The following ARFGEF1 variants were observed in gnomAD, a reference collection of about 807,000 sequenced individuals.
ARFGEF1 encodes the protein brefeldin A-inhibited guanine nucleotide-exchange protein 1.
In ARFGEF1, 42 loss-of-function variants were observed where a neutral mutation model predicts 231.0. The observed-to-expected ratio is 0.18, with a 90% CI of 0.14 to 0.24. ARFGEF1 has a LOEUF of 0.24. Among genes scored for constraint, ARFGEF1 ranks in the 10% least tolerant of loss-of-function variants. The pLI, the probability that ARFGEF1 is intolerant of heterozygous loss-of-function variation, is 1.00. For missense variants in ARFGEF1, 1,345 were observed against 2,192.0 expected, an observed-to-expected ratio of 0.61 and a Z score of 7.72; for synonymous variants, 710 against 732.3, an observed-to-expected ratio of 0.97 and a Z score of 0.49.
intron 1 of ARFGEF1, among the ~76,000 whole-genome samples, chr8:67,335,826 A>G (rs1808321751): frequency 1.3e-5 from 2 of 151,456 alleles, no homozygotes; most frequent in Non-Finnish European, 2.9e-5. Flanking sequence ...GGCTCACTGC[A>G]ACCTCCGCCT....
intron 32 of ARFGEF1, 50 bp downstream of exon 32, chr8:67,217,732 A>G (rs1019493095): frequency 3.8e-6 from 6 of 1,581,392 alleles, no homozygotes; most frequent in African/African-American, 2.7e-5. Context: ...TCACTCTCCA[A>G]CTCATTCAAT....
In ARFGEF1 at chr8:67,175,566, G is replaced by A. The variant is rs139214760; in HGVS notation, c.568C>T (p.Arg190Trp). 50 of 1,075,424 alleles carry A rather than the reference G, an allele frequency of 4.6e-5. No homozygotes were observed. The East Asian group carries it at 1.1e-3, about 23-fold the overall frequency. The allele number at this position is 1,075,424 out of a possible 1,614,324, so 66.6% of individuals were successfully genotyped here. A position where few individuals can be genotyped will look rare whatever the true frequency, so the allele number is the denominator to read the frequency against. ...TGGCAGCCCCATGCTCACAGGGTCC[G>A]TTTGGTCTGTAGTACCAGAAAAGAA... Residue 190 changes from arginine (R) to tryptophan (W), a missense_variant, in exon 6 of 6, where the codon CGG (arginine) becomes TGG (tryptophan). Physicochemically the swap from Arg to Trp is moderately radical, Grantham distance 101 (BLOSUM62 -3). Coordinates refer to the ARFGEF1 transcript ENST00000518789.
intron 1 of ARFGEF1, among the ~76,000 whole-genome samples, chr8:67,333,561 G>C (rs1398323213): frequency 6.6e-6 from 1 of 151,948 alleles, no homozygotes; most frequent in African/African-American, 2.4e-5. Context: ...GGATCTCCCT[G>C]TCTTGGCCTC....
chr8:67,219,687 C>T, intron 29 of ARFGEF1, 127 bp from the exon 30 acceptor site: 1 of 982,280 alleles, frequency 1.0e-6, no homozygotes, highest in Admixed American at 3.0e-5. Context: ...TAACACATGA[C>T]ACTGGGTTTT....
intron 35 of ARFGEF1, 49 bp downstream of exon 35, chr8:67,204,631 C>A: frequency 6.3e-7 from 1 of 1,578,456 alleles, no homozygotes; most frequent in South Asian, 1.2e-5. Context: ...ACTGCTATAC[C>A]TAACTTCCTA....
chr8:67,312,686 T>C lies in ARFGEF1; in HGVS notation c.125-10220A>G, dbSNP rs1353118890. 3.9e-5 allele frequency among the ~76,000 whole-genome samples: 6 copies of C among 152,338 alleles called. No individual in the cohort carries two copies. In the East Asian group the frequency reaches 1.2e-3, roughly 29 times the overall value. ...ACTATTCTCCTCGAGTTTTAAAAATTGTTACACATTTAACACAAAAAATAA... is the reference window on the plus strand; with the variant it reads ...ACTATTCTCCTCGAGTTTTAAAAATCGTTACACATTTAACACAAAAAATAA... On this transcript the variant is annotated intron_variant, in intron 1 of 38. Coordinates refer to ENST00000262215, the MANE Select transcript of ARFGEF1 (RefSeq NM_006421.5).
chr8:67,298,441 G>C (rs1280215150), intron 4 of ARFGEF1, among the ~76,000 whole-genome samples: 2 of 152,154 alleles, frequency 1.3e-5, no homozygotes, highest in African/African-American at 2.4e-5. Context: ...AGATGGATGG[G>C]TGCAACGATA....
intron 5 of ARFGEF1, among the ~76,000 whole-genome samples, chr8:67,186,254 T>C (rs1173998060): frequency 4.6e-5 from 7 of 152,214 alleles, no homozygotes; most frequent in African/African-American, 1.7e-4. Context: ...CAAGAATGTG[T>C]TGTCCAAAAT....
At chr8:67,230,272 C>T (rs1388022389) in intron 23 of ARFGEF1, among the ~76,000 whole-genome samples, 1 of 151,942 alleles carries the variant, frequency 6.6e-6, no homozygotes, top group African/African-American at 2.4e-5. Context: ...CATAGAAAAG[C>T]AAAGGACAGA....
chr8:67,342,235 G>C (rs1808664342), intron 1 of ARFGEF1, among the ~76,000 whole-genome samples: 2 of 152,158 alleles, frequency 1.3e-5, no homozygotes, highest in African/African-American at 4.8e-5. Flanking sequence ...TTTCAACTTT[G>C]ATGGATGCAA....
At position 67,266,044 on chromosome 8, in the gene ARFGEF1, T is replaced by C. The variant is rs1804837124; in HGVS notation, c.2085A>G (p.Leu695=). 1 of 1,613,784 alleles carries C rather than the reference T, an allele frequency of 6.2e-7. No individual in the cohort carries two copies. The highest frequency in any genetic ancestry group is 1.3e-5 in the African/African-American group (1 of 74,912). ...GTDNPEQFEV[L]KQQKEIIEQG... ...GTTCTATTATTTCTTTTTGTTGCTT[T>C]AGGACCTCAAATTGTTCTGGATTAT... The change falls in exon 14 of 39, where the codon CTA becomes CTG. Residue 695 remains leucine (L), a synonymous_variant. Coordinates refer to ENST00000262215, the MANE Select transcript of ARFGEF1 (RefSeq NM_006421.5).
chr8:67,179,509 G>T (rs573582850), intron 5 of ARFGEF1, among the ~76,000 whole-genome samples: 1 of 152,148 alleles, frequency 6.6e-6, no homozygotes, highest in Non-Finnish European at 1.5e-5. Context: ...ATGTTTAATT[G>T]GGGTCTTTGC....
intron 22 of ARFGEF1, among the ~76,000 whole-genome samples, chr8:67,235,829 T>C (rs1161234687): frequency 1.3e-5 from 2 of 152,078 alleles, no homozygotes; most frequent in East Asian, 3.9e-4. Flanking sequence ...AAAGAATGCA[T>C]ATAATTCAAA....
At chr8:67,236,365 AATATATATATATATATATATATATAT>A (rs34297561) in intron 22 of ARFGEF1, among the ~76,000 whole-genome samples, 16 of 29,068 alleles carry the variant, frequency 5.5e-4, no homozygotes, top group South Asian at 3.5e-3. Flanking sequence ...AAAAAAAAAA[AATATATATATATATATATATATATAT>A]ATATATATAT....
chr8:67,220,286 T>C (rs889615130), intron 29 of ARFGEF1, among the ~76,000 whole-genome samples: 2 of 152,248 alleles, frequency 1.3e-5, no homozygotes, highest in African/African-American at 4.8e-5. Context: ...CTTTTAATCT[T>C]TTCTCTATTT....
intron 34 of ARFGEF1, among the ~76,000 whole-genome samples, chr8:67,205,147 T>G (rs1454099017): frequency 1.3e-5 from 2 of 152,206 alleles, no homozygotes; most frequent in Non-Finnish European, 2.9e-5. Flanking sequence ...TGAGATTTTT[T>G]TTTTCTTAGC....
chr8:67,301,504 A>G lies in ARFGEF1; in HGVS notation c.156-124T>C, dbSNP rs1441125212. 4.8e-6 allele frequency: 5 copies of G among 1,045,432 alleles called. No homozygotes were observed. The African/African-American group carries it at 4.9e-5, about 10-fold the overall frequency. 64.8% of individuals were successfully genotyped at this position (1,045,432 alleles called of 1,614,324 possible). A position where few individuals can be genotyped will look rare whatever the true frequency, so the allele number is the denominator to read the frequency against. Reference sequence around the variant, plus strand: ...TGCTAAACCAGTCCTCTATCTTCCCATATTTCGAGAGGAAACCCAAGCCCA... The same window carrying G: ...TGCTAAACCAGTCCTCTATCTTCCCGTATTTCGAGAGGAAACCCAAGCCCA... On this transcript the variant is annotated intron_variant, in intron 2 of 38. Coordinates refer to ENST00000262215, the MANE Select transcript of ARFGEF1 (RefSeq NM_006421.5).
intron 10 of ARFGEF1, among the ~76,000 whole-genome samples, chr8:67,271,037 AAAAAAAG>A (rs1436383862): frequency 7.9e-5 from 11 of 139,830 alleles, no homozygotes; most frequent in South Asian, 4.2e-4. Context: ...AAAAAAAAAA[AAAAAAAG>A]GAAAAAGAAA....
intron 8 of ARFGEF1, 139 bp downstream of exon 8, chr8:67,277,143 C>A (rs573343802): frequency 3.5e-4 from 295 of 831,852 alleles, no homozygotes; most frequent in Middle Eastern, 9.8e-4. Context: ...GGAAAAAAAA[C>A]CCCAAGTTTC....
Sources: gnomAD v4.1 joint callset for allele counts (sites outside exome capture counted in the v4.1 genomes callset) on GRCh38, gnomAD v4.1.1 for gene constraint, MANE v1.5 for transcripts, NCBI Gene and HGNC (gene_info 2026-07-23, HGNC 2026-07-21) for gene names.